GTF3C1: variants seen among roughly 807,000 people sequenced by gnomAD.
GTF3C1 encodes the protein general transcription factor IIIC subunit 1.
Under a neutral mutation model 226.7 loss-of-function variants are expected in GTF3C1, and 57 were observed. That is an observed-to-expected ratio of 0.25 (90% CI 0.20 to 0.31). The LOEUF (loss-of-function observed/expected upper bound fraction) is 0.31. GTF3C1 is among the 10% of genes least tolerant of loss of function. The probability of loss-of-function intolerance (pLI) is 1.00; values close to 1 mark genes in which losing one functional copy is unlikely to be tolerated. For synonymous variants in GTF3C1, 1,090 were observed against 1,084.8 expected (o/e 1.00, Z -0.09); for missense variants, 2,217 against 2,776.1 (o/e 0.80, Z 4.53).
chr16:27,463,880 C>G lies in GTF3C1; in HGVS notation c.5873-288G>C, dbSNP rs2087741643. The G allele has an allele frequency of 2.1e-6, 1 of 465,608 alleles. No homozygotes were observed. The highest frequency in any genetic ancestry group is 2.0e-5 in the African/African-American group (1 of 49,098). 28.8% of individuals were successfully genotyped at this position (465,608 alleles called of 1,614,324 possible). The stretch of plus-strand genomic sequence containing the variant: ...TCATTTTCCACCCAGAAGCCCCGAC[C>G]ACAAGGGTGGTATAAAACCCGAGGC... On this transcript the variant is annotated intron_variant, in intron 34 of 36. Coordinates refer to ENST00000356183, the MANE Select transcript of GTF3C1 (RefSeq NM_001520.4). This position sits in a 1 kb window ranked among gnomAD's most constrained non-coding sequence, Gnocchi z 4.9.
At chr16:27,528,976 G>A (rs2088874571) in intron 5 of GTF3C1, among the ~76,000 whole-genome samples, 1 of 152,148 alleles carries the variant, frequency 6.6e-6, no homozygotes, top group South Asian at 2.1e-4. Flanking sequence ...GCAGGGGTGA[G>A]AATGAGGCAG....
intron 14 of GTF3C1, among the ~76,000 whole-genome samples, chr16:27,496,602 C>T (rs1448093658): frequency 6.6e-6 from 1 of 152,302 alleles, no homozygotes; most frequent in East Asian, 1.9e-4. Context: ...GGCAGGGTTT[C>T]ACCACACTGG....
At chr16:27,486,589 T>C (rs946055902) in intron 23 of GTF3C1, among the ~76,000 whole-genome samples, 2 of 152,116 alleles carry the variant, frequency 1.3e-5, no homozygotes, top group African/African-American at 4.8e-5. Context: ...ACACGGGCGT[T>C]GTGTAGACTT....
Position 27,462,272 on chromosome 16 carries a change from T to A in GTF3C1, c.6117+22A>T. 6.5e-7 allele frequency: 1 copy of A among 1,536,408 alleles called. No individual in the cohort carries two copies. On this transcript the variant is annotated intron_variant, in intron 36 of 36. Coordinates refer to ENST00000356183, the MANE Select transcript of GTF3C1 (RefSeq NM_001520.4). This position sits in a 1 kb window ranked among gnomAD's most constrained non-coding sequence, Gnocchi z 4.5. ...GCACCCAGCCGCCTCCACACCCTGC[T>A]GAACCCAGGAAGGCCCCACACCTGG...
At position 27,508,604 on chromosome 16, in the gene GTF3C1, A is replaced by G; in HGVS notation, c.1178T>C (p.Met393Thr). Residue 393 changes from methionine (M) to threonine (T), a missense_variant, in exon 8 of 37, where the codon ATG becomes ACG. This residue lies in a region of GTF3C1 where 163 missense variants were observed against 234.3 expected (regional missense o/e 0.70). Transcript: ENST00000356183. Reference sequence around the variant, plus strand: ...TCTTGCTTCTAGTTTTCCCACATTCATAGCCACTCGGATTTCAGCTTGGGA... The same window carrying G: ...TCTTGCTTCTAGTTTTCCCACATTCGTAGCCACTCGGATTTCAGCTTGGGA... Reference protein sequence around the residue: ...GISQAEIRVAMNVGKLEARML... With the variant: ...GISQAEIRVATNVGKLEARML... 2 of 1,614,236 alleles carry G rather than the reference A, an allele frequency of 1.2e-6. No individual in the cohort carries two copies. The highest frequency in any genetic ancestry group is 1.7e-6 in the Non-Finnish European group (2 of 1,180,030).
chr16:27,484,228 C>T lies in GTF3C1; in HGVS notation c.3984G>A (p.Gln1328=). The T allele has an allele frequency of 6.2e-7, 1 of 1,608,656 alleles. No individual in the cohort carries two copies. The highest frequency in any genetic ancestry group is 8.5e-7 in the Non-Finnish European group (1 of 1,175,056). The change falls in exon 25 of 37, where the codon CAG becomes CAA. Residue 1328 remains glutamine (Q), a synonymous_variant. Coordinates refer to ENST00000356183, the MANE Select transcript of GTF3C1 (RefSeq NM_001520.4). ...RRARYIVKNP[Q]AYLNYKVCLA... is the part of the protein sequence containing the mutation. ...AGGCTTACTTATAGTTGAGATAGGCCTGTGGGTTTTTGACTATGTAGCGAG... is the reference window on the plus strand; with the variant it reads ...AGGCTTACTTATAGTTGAGATAGGCTTGTGGGTTTTTGACTATGTAGCGAG...
chr16:27,528,903 A>C (rs577932553), intron 5 of GTF3C1, among the ~76,000 whole-genome samples, 182 bp from the exon 6 acceptor site: 14 of 152,172 alleles, frequency 9.2e-5, no homozygotes, highest in South Asian at 2.1e-4. Flanking sequence ...GCAGGATATA[A>C]ACGATTCTAC....
rs1234969382 is a variant in GTF3C1 at position 27,548,952 on chromosome 16, G to A, written c.221+718C>T. ...GCGGATTGTCTGAGGTCAGGAGTTC[G>A]CGACCAGCCTGGCCAACATGATGAC... On this transcript the variant is annotated intron_variant, in intron 1 of 36. Coordinates refer to ENST00000356183, the MANE Select transcript of GTF3C1 (RefSeq NM_001520.4). Among the ~76,000 whole-genome samples the A allele has an allele frequency of 3.3e-5, 5 of 152,106 alleles. No homozygotes were observed. The South Asian group carries it at 8.3e-4, about 25-fold the overall frequency.
At chr16:27,517,124 C>T (rs2088670209) in intron 6 of GTF3C1, among the ~76,000 whole-genome samples, 1 of 152,130 alleles carries the variant, frequency 6.6e-6, no homozygotes, top group African/African-American at 2.4e-5. Flanking sequence ...AGTGTTTAGC[C>T]TTGTGGGGAG....
At chr16:27,501,940 T>A (rs986330805) in intron 11 of GTF3C1, among the ~76,000 whole-genome samples, 1 of 151,966 alleles carries the variant, frequency 6.6e-6, no homozygotes, top group Non-Finnish European at 1.5e-5. Flanking sequence ...CCGTCTCTAC[T>A]AAAAATACAA....
intron 26 of GTF3C1, among the ~76,000 whole-genome samples, 175 bp from the exon 27 acceptor site, chr16:27,481,366 G>A (rs2088044722): frequency 6.6e-6 from 1 of 151,984 alleles, no homozygotes; most frequent in South Asian, 2.1e-4. Flanking sequence ...TGAGAAGCTC[G>A]GTCTGTAGAG....
intron 10 of GTF3C1, among the ~76,000 whole-genome samples, chr16:27,505,168 C>T (rs189432621): frequency 6.6e-6 from 1 of 152,154 alleles, no homozygotes; most frequent in South Asian, 2.1e-4. Flanking sequence ...TCTTTTAATC[C>T]TTCCAATTAT....
Position 27,507,018 on chromosome 16 carries a change from T to G in GTF3C1, c.1381A>C (p.Met461Leu). 1.9e-6 allele frequency: 3 copies of G among 1,613,962 alleles called. No homozygotes were observed. The highest frequency in any genetic ancestry group is 1.7e-6 in the Non-Finnish European group (2 of 1,180,008). Residue 461 changes from methionine (M) to leucine (L), a missense_variant, in exon 9 of 37, where the codon ATG (methionine) becomes CTG (leucine). Coordinates refer to ENST00000356183, the MANE Select transcript of GTF3C1 (RefSeq NM_001520.4). The surrounding 1 kb of genome is among the most constrained non-coding windows in gnomAD (Gnocchi z 4.9). ...ELLTTVSLAS[M>L]QEESLLPEGE... The stretch of plus-strand genomic sequence containing the variant: ...TCAGGCAGAAGCGACTCCTCCTGCA[T>G]AGACGCCAGGCTCACGGTGGTCAAG...
intron 5 of GTF3C1, among the ~76,000 whole-genome samples, chr16:27,530,286 A>C (rs1260914275): frequency 1.3e-5 from 2 of 152,146 alleles, no homozygotes; most frequent in African/African-American, 4.8e-5. Flanking sequence ...TGGCTTGTAC[A>C]TGGCATTTAT....
chr16:27,497,285 T>C (rs191028359), intron 14 of GTF3C1, among the ~76,000 whole-genome samples: 2 of 152,348 alleles, frequency 1.3e-5, no homozygotes, highest in East Asian at 1.9e-4. Flanking sequence ...GCCAGGGGAT[T>C]TGTCGAGTTG....
intron 19 of GTF3C1, among the ~76,000 whole-genome samples, chr16:27,491,394 C>T (rs2088230762): frequency 6.6e-6 from 1 of 152,174 alleles, no homozygotes; most frequent in Non-Finnish European, 1.5e-5. Context: ...GTAGACCCTC[C>T]ATGCATTTGA....
At chr16:27,532,635 C>T (rs2088935526) in intron 5 of GTF3C1, among the ~76,000 whole-genome samples, 1 of 152,188 alleles carries the variant, frequency 6.6e-6, no homozygotes, top group African/African-American at 2.4e-5. Flanking sequence ...CCTGCGTCCT[C>T]TCCCCTCCCC....
At chr16:27,544,215 C>T (rs2089131370) in intron 2 of GTF3C1, among the ~76,000 whole-genome samples, 1 of 151,698 alleles carries the variant, frequency 6.6e-6, no homozygotes, top group Non-Finnish European at 1.5e-5. Flanking sequence ...ATGGCAAGAC[C>T]CCACCTCTAC....
At chr16:27,489,817 G>A (rs1423108298) in intron 19 of GTF3C1, 74 bp from the exon 20 acceptor site, 12 of 1,494,698 alleles carry the variant, frequency 8.0e-6, no homozygotes, top group Non-Finnish European at 1.1e-5. Flanking sequence ...CTCTGGCTGG[G>A]TGGGGAAGAA....
Sources: allele counts gnomAD v4.1 joint callset (sites outside exome capture counted in the v4.1 genomes callset), GRCh38; gene constraint gnomAD v4.1.1; regional missense constraint gnomAD v4.1.1; non-coding constraint Gnocchi (gnomAD v3.1); transcripts MANE v1.5; gene names NCBI Gene and HGNC (gene_info 2026-07-23, HGNC 2026-07-21).